The following GSTCD variants were observed in gnomAD, a reference collection of about 807,000 sequenced individuals.
The protein encoded by GSTCD is glutathione S-transferase C-terminal domain-containing protein.
GSTCD carries 44 observed loss-of-function variants against 68.3 expected under a neutral mutation model. The ratio of observed to expected loss-of-function variants is 0.64; its 90% CI spans 0.51 to 0.83. The LOEUF is 0.83. Ranked by LOEUF, GSTCD falls within the 40% of genes least tolerant of loss-of-function variation. GSTCD has a pLI of 0.00. For missense variants in GSTCD, 739 were observed against 735.9 expected, an observed-to-expected ratio of 1.00 and a Z score of -0.05; for synonymous variants, 273 against 255.2, an observed-to-expected ratio of 1.07 and a Z score of -0.67.
chr4:105,771,031 C>T (rs1373213596), intron 5 of GSTCD, among the ~76,000 whole-genome samples: 2 of 152,110 alleles, frequency 1.3e-5, no homozygotes, highest in African/African-American at 4.8e-5. Context: ...TCTCCAGCAC[C>T]TGTTGTTTCC....
At chr4:105,746,527 G>C (rs568687506) in intron 5 of GSTCD, 2 of 152,264 alleles carry the variant, frequency 1.3e-5, no homozygotes, top group Non-Finnish European at 2.9e-5. Flanking sequence ...CATTGCTTGG[G>C]ATAATAATTT....
chr4:105,785,938 A>G (rs1243726274), intron 5 of GSTCD, among the ~76,000 whole-genome samples: 2 of 152,046 alleles, frequency 1.3e-5, no homozygotes, highest in Non-Finnish European at 2.9e-5. Context: ...AAGTTAGTTG[A>G]ACTTGCACCT....
chr4:105,726,935 T>C (rs1407248656), intron 4 of GSTCD, 105 bp downstream of exon 4: 1 of 940,692 alleles, frequency 1.1e-6, no homozygotes, highest in Non-Finnish European at 1.6e-6. Context: ...TGTTATAAAT[T>C]TTATTTGTAG....
At position 105,726,703 on chromosome 4, in the gene GSTCD, T is replaced by C; in HGVS notation, c.1019T>C (p.Leu340Pro). 1 of 1,614,024 alleles carries C rather than the reference T, an allele frequency of 6.2e-7. No individual in the cohort carries two copies. Among genetic ancestry groups the C allele is most frequent in the East Asian group, 2.2e-5 (1 of 44,862 alleles). The change falls in exon 4 of 12, where the codon CTC (leucine) becomes CCC (proline). Residue 340 changes from leucine to proline, a missense_variant. Physicochemically the swap from Leu to Pro is moderately conservative, Grantham distance 98. Coordinates refer to ENST00000515279, the MANE Select transcript of GSTCD (RefSeq NM_001370181.1). ...TAASKCGIQF[L>P]HLPKLLTTST... ...GCTTCTAAGTGTGGGATCCAATTTC[T>C]CCATTTACCAAAGTTGTTGACAACC...
rs188009363 is a variant in GSTCD, at chr4:105,783,207, C to A, written c.1241-39747C>A. On this transcript the variant is annotated intron_variant, in intron 5 of 11. Transcript: ENST00000515279. ...CAGGAAATTGAACTTTTTCTGTTTA[C>A]CCTTTAGAACAAACAGCTTTCTGAA... Among the ~76,000 whole-genome samples the A allele has an allele frequency of 4.0e-3, 611 of 152,248 alleles. 5 individuals carry two copies. The highest frequency in any genetic ancestry group is 0.014 in the African/African-American group (575 of 41,538).
chr4:105,756,456 A>G (rs972516882), intron 5 of GSTCD, among the ~76,000 whole-genome samples: 6 of 151,044 alleles, frequency 4.0e-5, no homozygotes, highest in Non-Finnish European at 8.8e-5. Flanking sequence ...GGAATTTAGG[A>G]AATTTGTGTC....
chr4:105,797,977 C>T (rs761824265), intron 5 of GSTCD, among the ~76,000 whole-genome samples: 14 of 151,982 alleles, frequency 9.2e-5, no homozygotes, highest in South Asian at 2.1e-4. Flanking sequence ...CCATGTTGGC[C>T]AGGCAGGTCA....
chr4:105,754,003 G>A (rs1734096827), intron 5 of GSTCD, among the ~76,000 whole-genome samples: 1 of 151,860 alleles, frequency 6.6e-6, no homozygotes, highest in South Asian at 2.1e-4. Context: ...AGGAGTTGGA[G>A]GGAAAACTAA....
intron 5 of GSTCD, among the ~76,000 whole-genome samples, chr4:105,805,864 G>A (rs1251673376): frequency 6.6e-6 from 1 of 151,912 alleles, no homozygotes; most frequent in Non-Finnish European, 1.5e-5. Context: ...GTTATTACAT[G>A]TATGAAACAC....
chr4:105,725,970 G>T (rs897197357), intron 3 of GSTCD, among the ~76,000 whole-genome samples: 1 of 152,116 alleles, frequency 6.6e-6, no homozygotes, highest in Non-Finnish European at 1.5e-5. Context: ...CCATGGAGAA[G>T]ATTTTAATTT....
chr4:105,715,924 AT>A, intron 1 of GSTCD, among the ~76,000 whole-genome samples: 1 of 152,092 alleles, frequency 6.6e-6, no homozygotes, highest in Admixed American at 6.5e-5. Flanking sequence ...AACATTAGGA[AT>A]TTTTGACCCG....
At chr4:105,785,489 C>T (rs1463450200) in intron 5 of GSTCD, among the ~76,000 whole-genome samples, 3 of 151,960 alleles carry the variant, frequency 2.0e-5, no homozygotes, top group African/African-American at 7.2e-5. Context: ...GTATCAATAT[C>T]GATTCATGGA....
chr4:105,776,986 T>A (rs1217185406), intron 5 of GSTCD, among the ~76,000 whole-genome samples: 4 of 152,150 alleles, frequency 2.6e-5, no homozygotes, highest in African/African-American at 9.7e-5. Context: ...TCCAACTCAA[T>A]CTATGATGGT....
At chr4:105,817,906 T>C (rs561044432) in intron 5 of GSTCD, among the ~76,000 whole-genome samples, 3 of 152,040 alleles carry the variant, frequency 2.0e-5, no homozygotes, top group Admixed American at 6.6e-5. Context: ...CATCGATATC[T>C]AACGCATTTT....
intron 5 of GSTCD, among the ~76,000 whole-genome samples, chr4:105,747,934 T>C (rs1230151366): frequency 6.6e-6 from 1 of 152,062 alleles, no homozygotes; most frequent in Non-Finnish European, 1.5e-5. Flanking sequence ...TTTAAGGCTA[T>C]TACATTTTGA....
intron 5 of GSTCD, among the ~76,000 whole-genome samples, chr4:105,744,354 G>A (rs1207599052): frequency 2.6e-5 from 4 of 152,196 alleles, no homozygotes; most frequent in Non-Finnish European, 5.9e-5. Flanking sequence ...TTCAGACTGT[G>A]TAATACCTTG....
intron 5 of GSTCD, among the ~76,000 whole-genome samples, chr4:105,806,821 C>T (rs373904452): frequency 3.3e-5 from 5 of 152,220 alleles, no homozygotes; most frequent in African/African-American, 4.8e-5. Context: ...TATGTCCATA[C>T]GCTATAGGCC....
intron 5 of GSTCD, among the ~76,000 whole-genome samples, chr4:105,745,833 A>C (rs1733783636): frequency 1.3e-5 from 2 of 152,220 alleles, no homozygotes; most frequent in South Asian, 4.1e-4. Context: ...ATAGGTGCTT[A>C]GGTGTTGTTC....
chr4:105,714,977 G>A (rs557889640), intron 1 of GSTCD, among the ~76,000 whole-genome samples: 2 of 152,236 alleles, frequency 1.3e-5, no homozygotes, highest in South Asian at 4.2e-4. Context: ...GCATGGCTTT[G>A]TTTCCAGTTT....
Sources: allele counts gnomAD v4.1 joint callset (sites outside exome capture counted in the v4.1 genomes callset), GRCh38; gene constraint gnomAD v4.1.1; transcripts MANE v1.5; gene names NCBI Gene and HGNC (gene_info 2026-07-23, HGNC 2026-07-21).